The following OFD1 variants were observed in gnomAD, a reference collection of about 807,000 sequenced individuals.
OFD1 encodes centriole and centriolar satellite protein OFD1.
OFD1 carries 12 observed loss-of-function variants against 81.4 expected under a neutral mutation model. The observed-to-expected ratio is 0.15, with a 90% CI of 0.09 to 0.24. OFD1 has a LOEUF of 0.24. Ranked by LOEUF, OFD1 falls within the 10% of genes least tolerant of loss-of-function variation. OFD1 has a pLI of 1.00. For missense variants in OFD1, 685 were observed against 733.9 expected (o/e 0.93, Z 0.77); for synonymous variants, 256 against 263.7 (o/e 0.97, Z 0.28).
chrX:13,748,818 G>A (rs2047392095), intron 8 of OFD1, among the ~76,000 whole-genome samples: 1 of 111,155 alleles, frequency 9.0e-6, no homozygotes, highest in African/African-American at 3.3e-5. Context: ...TGGGGAACTT[G>A]CCAAAATTTA....
At chrX:13,736,756 A>G in intron 3 of OFD1, 78 bp downstream of exon 3, 1 of 735,135 alleles carries the variant, frequency 1.4e-6, no homozygotes, top group African/African-American at 2.1e-5. Context: ...GCTGTATGAT[A>G]GCTAAGTGCT....
At chrX:13,759,552 C>T (rs1433034268) in intron 15 of OFD1, among the ~76,000 whole-genome samples, 1 of 111,622 alleles carries the variant, frequency 9.0e-6, no homozygotes, top group East Asian at 2.8e-4. Flanking sequence ...TTTAGTCCCC[C>T]CATCTGTAAA....
chrX:13,754,070 C>T (rs1353030581), intron 11 of OFD1, among the ~76,000 whole-genome samples: 3 of 110,215 alleles, frequency 2.7e-5, no homozygotes, highest in Non-Finnish European at 5.7e-5. Context: ...CAAGCTCCAC[C>T]TCCCAGGTTC....
chrX:13,763,940 C>A, intron 19 of OFD1, 85 bp downstream of exon 19: 1 of 717,327 alleles, frequency 1.4e-6, no homozygotes, highest in Non-Finnish European at 2.2e-6. Context: ...TCATGTATCA[C>A]TGAAGTCATC....
At chrX:13,734,002 T>C, upstream of OFD1, 1 of 514,017 alleles carries the variant, frequency 1.9e-6, no homozygotes, top group Non-Finnish European at 3.5e-6. Flanking sequence ...TTTGGTTCCT[T>C]TCCTTTCTAA....
chrX:13,730,954 A>T (rs749579799), upstream of OFD1, among the ~76,000 whole-genome samples: 51 of 110,536 alleles, frequency 4.6e-4, no homozygotes, highest in Non-Finnish European at 7.2e-4. Context: ...CATTAGGAGG[A>T]ATACCTAATG....
At chrX:13,757,599 T>A in intron 13 of OFD1, 61 bp from the exon 14 acceptor site, 1 of 1,156,621 alleles carries the variant, frequency 8.6e-7, no homozygotes, top group Non-Finnish European at 1.2e-6. Flanking sequence ...TTTGTTAAGT[T>A]AAATAAGAAA....
chrX:13,747,024 A>G (rs1245920097), intron 8 of OFD1, 71 bp downstream of exon 8: 1 of 939,357 alleles, frequency 1.1e-6, no homozygotes, highest in Non-Finnish European at 1.5e-6. Context: ...AGATCCAGCA[A>G]CAGGATGGTA....
chrX:13,758,329 CTT>C lies in OFD1; in HGVS notation c.1543-5_1543-4del. 1 of 1,134,713 alleles carries C rather than the reference CTT, an allele frequency of 8.8e-7. No individual in the cohort carries two copies. The allele number at this position is 1,134,713 out of a possible 1,213,427, so 93.5% of individuals were successfully genotyped here. Reference sequence around the variant, plus strand: ...ATTGATTTCTTTTCCTATTCTGAATCTTTTCAGATTGAGCATTCTGCACAGCT... The same window carrying C: ...ATTGATTTCTTTTCCTATTCTGAATCTTCAGATTGAGCATTCTGCACAGCT... On this transcript the variant is annotated splice_polypyrimidine_tract_variant and splice_region_variant and intron_variant, in intron 14 of 22. Transcript: ENST00000340096.
chrX:13,770,797 G>A (rs1419162171), downstream of OFD1, among the ~76,000 whole-genome samples: 5 of 112,242 alleles, frequency 4.5e-5, no homozygotes, highest in Admixed American at 2.8e-4. Flanking sequence ...TTGCTGAAGA[G>A]ATTTTTGCCA....
intron 5 of OFD1, chrX:13,739,318 A>G: frequency 3.3e-6 from 1 of 306,457 alleles, no homozygotes; most frequent in Non-Finnish European, 5.6e-6. Context: ...AAAAAAACTA[A>G]TAACTTTTAG....
intron 19 of OFD1, among the ~76,000 whole-genome samples, chrX:13,764,061 A>G (rs1159078265): frequency 9.0e-6 from 1 of 111,725 alleles, no homozygotes; most frequent in Admixed American, 9.4e-5. Flanking sequence ...CAGTGCTGAG[A>G]AAGGACACGT....
intron 11 of OFD1, among the ~76,000 whole-genome samples, chrX:13,754,761 G>A (rs753983523): frequency 2.7e-5 from 3 of 112,724 alleles, no homozygotes; most frequent in South Asian, 3.6e-4. Flanking sequence ...ATACCATTAC[G>A]TATGTAACAA....
chrX:13,756,072 A>G (rs865886520), intron 12 of OFD1, among the ~76,000 whole-genome samples: 1 of 103,408 alleles, frequency 9.7e-6, no homozygotes, highest in South Asian at 4.3e-4. Context: ...CTCATGTCTC[A>G]GCTCCCAAGT....
At chrX:13,768,980 A>T (rs773083277) in intron 22 of OFD1, 86 bp from the exon 23 acceptor site, 1,122 of 808,887 alleles carry the variant, frequency 1.4e-3, no homozygotes, top group Non-Finnish European at 2.0e-3. Context: ...GAAACCCCCC[A>T]GGGAAGGAAT....
At chrX:13,725,103 G>A in the OFD1 span, among the ~76,000 whole-genome samples, 2,032 of 112,979 alleles carry the variant, frequency 0.018, 39 homozygotes, top group African/African-American at 0.062. Flanking sequence ...CAGGAAGCTC[G>A]AACTGGGCAG....
chrX:13,769,194 A>G lies in OFD1; in HGVS notation c.*86A>G, dbSNP rs113980014. On this transcript the variant is annotated 3_prime_UTR_variant, in exon 23 of 23. Transcript: ENST00000340096. ...TTTGTAAATGTTTCCCTATCATCAGACAAAACTCAATAAAAATGTGTGTAA... is the reference window on the plus strand; with the variant it reads ...TTTGTAAATGTTTCCCTATCATCAGGCAAAACTCAATAAAAATGTGTGTAA... 7 of 755,769 alleles carry G rather than the reference A, an allele frequency of 9.3e-6. No homozygotes were observed. The highest frequency in any genetic ancestry group is 1.4e-5 in the Non-Finnish European group (7 of 487,321). 62.3% of individuals were successfully genotyped at this position (755,769 alleles called of 1,213,427 possible).
At position 13,768,092 on chromosome X, in the gene OFD1, GGAATTAGAAATGGAAAAT is replaced by G. The variant is rs1569164756; in HGVS notation, c.2809_2826del (p.Glu937_Met942del). ...AATCACTGAAGATTAAAATAAAAAA[GGAATTAGAAATGGAAAAT>G]GAATTAGAAATGAGTAATCAAGAAA... On this transcript the variant is annotated inframe_deletion, in exon 21 of 23. Coordinates refer to ENST00000340096, the MANE Select transcript of OFD1 (RefSeq NM_003611.3). 1 of 1,177,161 alleles carries G rather than the reference GGAATTAGAAATGGAAAAT, an allele frequency of 8.5e-7. No homozygotes were observed. Among genetic ancestry groups the G allele is most frequent in the Non-Finnish European group, 1.2e-6 (1 of 864,252 alleles).
the OFD1 span, chrX:13,715,825 C>G: frequency 1.0e-6 from 1 of 969,482 alleles, no homozygotes; most frequent in Non-Finnish European, 1.3e-6. Context: ...TTCCTAAATA[C>G]ATATTCACCT....
Sources: allele counts gnomAD v4.1 joint callset (sites outside exome capture counted in the v4.1 genomes callset), GRCh38; gene constraint gnomAD v4.1.1; transcripts MANE v1.5; gene names NCBI Gene and HGNC (gene_info 2026-07-23, HGNC 2026-07-21).